PLPP1: variants seen among roughly 807,000 people sequenced by gnomAD.
PLPP1 encodes the protein phospholipid phosphatase 1, also known as lipid phosphate phosphohydrolase 1a.
A neutral mutation model predicts 31.2 loss-of-function variants in PLPP1; 24 were observed. The ratio of observed to expected loss-of-function variants is 0.77; its 90% CI spans 0.56 to 1.08. The LOEUF (loss-of-function observed/expected upper bound fraction) is 1.08. Among genes scored for constraint, PLPP1 ranks in the 50% least tolerant of loss-of-function variants. PLPP1 has a pLI of 0.00. For missense variants in PLPP1, 319 were observed against 342.7 expected (o/e 0.93, Z 0.55); for synonymous variants, 146 against 126.3 (o/e 1.16, Z -1.05).
chr5:55,450,003 T>C (rs925749780), intron 3 of PLPP1, among the ~76,000 whole-genome samples: 3 of 152,158 alleles, frequency 2.0e-5, no homozygotes, highest in Non-Finnish European at 4.4e-5. Context: ...CTTATTTCCT[T>C]GAACCACCTA....
At chr5:55,448,612 T>TA (rs1751823614) in intron 3 of PLPP1, among the ~76,000 whole-genome samples, 1 of 152,074 alleles carries the variant, frequency 6.6e-6, no homozygotes, top group South Asian at 2.1e-4. Flanking sequence ...CACACCCAGC[T>TA]AATTTTTGTA....
At chr5:55,433,607 C>CCT (rs1267965359) in intron 4 of PLPP1, among the ~76,000 whole-genome samples, 1 of 147,758 alleles carries the variant, frequency 6.8e-6, no homozygotes, top group Non-Finnish European at 1.5e-5. Context: ...TCAAGCAATT[C>CCT]TCCTGCCTCA....
intron 1 of PLPP1, among the ~76,000 whole-genome samples, chr5:55,483,879 A>G (rs1752720675): frequency 6.6e-6 from 1 of 152,130 alleles, no homozygotes; most frequent in Non-Finnish European, 1.5e-5. Flanking sequence ...ATATTTCTGA[A>G]TTAACCTAGA....
At chr5:55,468,420 AT>A (rs907481700) in intron 2 of PLPP1, 1,021 of 273,308 alleles carry the variant, frequency 3.7e-3, no homozygotes, top group African/African-American at 0.01. Context: ...ACAAGATCTT[AT>A]TTTTTTTTTC....
intron 1 of PLPP1, 29 bp downstream of exon 1, chr5:55,534,543 G>A (rs376732802): frequency 9.2e-6 from 14 of 1,524,032 alleles, no homozygotes; most frequent in South Asian, 1.2e-5. Context: ...AGCCGCACAC[G>A]CCCCTCGGAC....
chr5:55,428,296 C>CCCATGCCT (rs1751259679), intron 4 of PLPP1, among the ~76,000 whole-genome samples: 1 of 152,210 alleles, frequency 6.6e-6, no homozygotes, highest in African/African-American at 2.4e-5. Flanking sequence ...GACAAACAGG[C>CCCATGCCT]ATGGCCTGAG....
At chr5:55,497,892 C>A (rs926407483) in intron 1 of PLPP1, among the ~76,000 whole-genome samples, 3 of 152,068 alleles carry the variant, frequency 2.0e-5, no homozygotes, top group Non-Finnish European at 2.9e-5. Flanking sequence ...AAAATAAACA[C>A]AGCAACTCTA....
At chr5:55,515,089 C>T (rs1378751845) in intron 1 of PLPP1, among the ~76,000 whole-genome samples, 3 of 152,200 alleles carry the variant, frequency 2.0e-5, no homozygotes, top group Non-Finnish European at 4.4e-5. Context: ...ATCAACTGTG[C>T]GACCTAACAC....
rs1225057446 is a variant in PLPP1 at position 55,441,917 on chromosome 5, AAAAG to A, written c.492-13_492-10del. On this transcript the variant is annotated splice_polypyrimidine_tract_variant and intron_variant, in intron 3 of 5. Transcript: ENST00000307259. Reference sequence around the variant, plus strand: ...CTGAATAGAAGGACAACCTGGAAGAAAAAGAAGACAAATGTTACTTTTCTCTCTT... The same window carrying A: ...CTGAATAGAAGGACAACCTGGAAGAAAAGACAAATGTTACTTTTCTCTCTT... 7 of 1,611,454 alleles carry A rather than the reference AAAAG, an allele frequency of 4.3e-6. No individual in the cohort carries two copies. The South Asian group carries it at 6.6e-5, about 15-fold the overall frequency.
intron 1 of PLPP1, among the ~76,000 whole-genome samples, chr5:55,531,627 T>G (rs1319999265): frequency 6.6e-6 from 1 of 152,176 alleles, no homozygotes; most frequent in Non-Finnish European, 1.5e-5. Context: ...AAAAGGAAAT[T>G]TATGCCAGGT....
chr5:55,444,663 G>T (rs1346328403), intron 3 of PLPP1, among the ~76,000 whole-genome samples: 1 of 151,970 alleles, frequency 6.6e-6, no homozygotes, highest in Non-Finnish European at 1.5e-5. Flanking sequence ...CTGAGGGGTG[G>T]TCTACTGAAC....
intron 3 of PLPP1, among the ~76,000 whole-genome samples, chr5:55,459,102 T>C (rs1240528947): frequency 6.6e-6 from 1 of 151,458 alleles, no homozygotes; most frequent in East Asian, 1.9e-4. Flanking sequence ...TAGAAAAATA[T>C]ATAACCCAAA....
chr5:55,527,254 G>C (rs906433362), intron 1 of PLPP1, among the ~76,000 whole-genome samples: 5 of 152,210 alleles, frequency 3.3e-5, no homozygotes, highest in Non-Finnish European at 5.9e-5. Flanking sequence ...GGGGTAAAAT[G>C]ATGTCAGCAT....
chr5:55,433,646 C>T (rs1352792321), intron 4 of PLPP1, among the ~76,000 whole-genome samples: 4 of 148,896 alleles, frequency 2.7e-5, no homozygotes, highest in African/African-American at 4.9e-5. Flanking sequence ...AGTACAGGCG[C>T]GTGCCACCAC....
chr5:55,465,137 G>T (rs1752260044), intron 3 of PLPP1, among the ~76,000 whole-genome samples: 1 of 151,636 alleles, frequency 6.6e-6, no homozygotes, highest in African/African-American at 2.4e-5. Flanking sequence ...TCTGCCTCCG[G>T]GGTTCAAGCG....
At chr5:55,463,727 G>T (rs935794815) in intron 3 of PLPP1, among the ~76,000 whole-genome samples, 9 of 151,300 alleles carry the variant, frequency 5.9e-5, no homozygotes, top group Non-Finnish European at 1.0e-4. Flanking sequence ...CAAGAGGATC[G>T]CTTGAACACA....
intron 1 of PLPP1, among the ~76,000 whole-genome samples, chr5:55,480,289 A>G (rs912493235): frequency 2.6e-5 from 4 of 151,774 alleles, no homozygotes; most frequent in African/African-American, 9.7e-5. Context: ...CTTTTTTTAA[A>G]TTGAGGTATA....
chr5:55,494,091 TA>T (rs1477400637), intron 1 of PLPP1, among the ~76,000 whole-genome samples: 1 of 151,474 alleles, frequency 6.6e-6, no homozygotes. Flanking sequence ...GGAAAGGATG[TA>T]AGTTTGTAGG....
intron 4 of PLPP1, among the ~76,000 whole-genome samples, chr5:55,440,840 T>G (rs1267429866): frequency 6.6e-6 from 1 of 152,192 alleles, no homozygotes. Context: ...AGTCTAAGCA[T>G]TAAATTATCA....
Sources: gnomAD v4.1 joint callset for allele counts (sites outside exome capture counted in the v4.1 genomes callset) on GRCh38, gnomAD v4.1.1 for gene constraint, MANE v1.5 for transcripts, NCBI Gene and HGNC (gene_info 2026-07-23, HGNC 2026-07-21) for gene names.